Variants in PARD3B observed in about 807,000 individuals in gnomAD.
PARD3B encodes the protein partitioning defective 3 homolog B.
In PARD3B, 103 loss-of-function variants were observed where a neutral mutation model predicts 130.2. The ratio of observed to expected loss-of-function variants is 0.79; its 90% CI spans 0.67 to 0.93. The LOEUF (loss-of-function observed/expected upper bound fraction) is 0.93. Ranked by LOEUF, PARD3B falls within the 40% of genes least tolerant of loss-of-function variation. The pLI is 0.00. For synonymous variants in PARD3B, 583 were observed against 553.2 expected, an observed-to-expected ratio of 1.05 and a Z score of -0.76; for missense variants, 1,609 against 1,499.2, an observed-to-expected ratio of 1.07 and a Z score of -1.21.
intron 2 of PARD3B, among the ~76,000 whole-genome samples, chr2:204,817,131 T>C (rs1248622157): frequency 6.6e-6 from 1 of 152,130 alleles, no homozygotes; most frequent in African/African-American, 2.4e-5. Flanking sequence ...AGATTATTTG[T>C]AATAACTGTT....
rs11891326 is a variant in PARD3B, at chr2:204,909,730, G to A, written c.223-55422G>A. ...ATTGATGAGTGGAGCACAGAGTTTC[G>A]GAAGGAAGTCTCACTTAGTTTGTAT... On this transcript the variant is annotated intron_variant, in intron 2 of 22. Coordinates refer to ENST00000406610, the MANE Select transcript of PARD3B (RefSeq NM_001302769.2). 5.2e-3 allele frequency among the ~76,000 whole-genome samples: 786 copies of A among 152,218 alleles called. 9 individuals are homozygous for A. The highest frequency in any genetic ancestry group is 0.017 in the African/African-American group (710 of 41,546).
At chr2:205,477,331 A>T (rs1312850717) in intron 20 of PARD3B, among the ~76,000 whole-genome samples, 1 of 152,100 alleles carries the variant, frequency 6.6e-6, no homozygotes, top group Non-Finnish European at 1.5e-5. Context: ...ATGTGTGTGG[A>T]AGCATTCCTC....
chr2:205,503,727 T>C (rs2050245352), intron 21 of PARD3B, among the ~76,000 whole-genome samples: 4 of 152,156 alleles, frequency 2.6e-5, no homozygotes, highest in Admixed American at 2.6e-4. Flanking sequence ...ATTGGTAGCT[T>C]GATGGGGATG....
At chr2:205,483,489 A>G (rs2049320271) in intron 20 of PARD3B, among the ~76,000 whole-genome samples, 1 of 152,224 alleles carries the variant, frequency 6.6e-6, no homozygotes, top group Admixed American at 6.5e-5. Context: ...TGAAAGTCCT[A>G]ATACTGAATT....
intron 20 of PARD3B, among the ~76,000 whole-genome samples, chr2:205,477,082 C>T (rs143584647): frequency 1.7e-3 from 254 of 152,330 alleles, no homozygotes; most frequent in African/African-American, 5.7e-3. Context: ...GTTTTTCAAA[C>T]TGTGGGGTTT....
At chr2:205,034,702 AT>A (rs1697677551) in intron 3 of PARD3B, among the ~76,000 whole-genome samples, 1 of 152,208 alleles carries the variant, frequency 6.6e-6, no homozygotes, top group African/African-American at 2.4e-5. Context: ...ATAGAAATGA[AT>A]TATTTAGCAT....
chr2:205,256,954 A>C (rs1239243533), intron 16 of PARD3B, among the ~76,000 whole-genome samples: 1 of 152,152 alleles, frequency 6.6e-6, no homozygotes, highest in African/African-American at 2.4e-5. Flanking sequence ...ATAATTAGGG[A>C]ATATTAAACC....
Position 205,248,646 on chromosome 2 carries a change from C to G in PARD3B, c.2185+2824C>G, listed in dbSNP as rs539163719. Among the ~76,000 whole-genome samples the G allele has an allele frequency of 7.0e-3, 944 of 134,828 alleles. 5 individuals carry two copies. Among genetic ancestry groups the G allele is most frequent in the Admixed American group, 0.013 (169 of 12,852 alleles). The allele number at this position is 134,828 out of a possible 152,430, so 88.5% of individuals were successfully genotyped here. A position where few individuals can be genotyped will look rare whatever the true frequency, so the allele number is the denominator to read the frequency against. ...TTTTTTGAGACGGAGTGGCTCTGTC[C>G]GCCAGGCTGGAGTGCAGTGGCGCGA... On this transcript the variant is annotated intron_variant, in intron 16 of 22. Transcript: ENST00000406610.
intron 15 of PARD3B, among the ~76,000 whole-genome samples, chr2:205,245,492 T>C (rs2039533790): frequency 6.6e-6 from 1 of 152,142 alleles, no homozygotes; most frequent in Non-Finnish European, 1.5e-5. Context: ...CTCTTGTAAA[T>C]GTGGAAGAAA....
chr2:205,172,382 G>A lies in PARD3B; in HGVS notation c.1791+1G>A. ...GAGGAGGCCAGAGAGACCAATGGAG[G>A]TGATGCAAATCTTGATTCTCCTCAG... On this transcript the variant is annotated splice_donor_variant, in intron 12 of 22. Transcript: ENST00000406610. LOFTEE classifies it high-confidence loss of function. 6.2e-7 allele frequency: 1 copy of A among 1,611,946 alleles called. No homozygotes were observed. The highest frequency in any genetic ancestry group is 8.5e-7 in the Non-Finnish European group (1 of 1,178,688).
At chr2:204,710,599 G>A (rs1167162943) in intron 2 of PARD3B, among the ~76,000 whole-genome samples, 2 of 152,118 alleles carry the variant, frequency 1.3e-5, no homozygotes, top group Admixed American at 6.5e-5. Flanking sequence ...GATTTGGATG[G>A]GGGTTCTCTG....
chr2:205,556,135 C>G (rs964256963), intron 22 of PARD3B, among the ~76,000 whole-genome samples: 1 of 152,072 alleles, frequency 6.6e-6, no homozygotes, highest in Admixed American at 6.5e-5. Flanking sequence ...CACCGGATCC[C>G]TCTTCATCAC....
chr2:204,816,459 A>G (rs536016872), intron 2 of PARD3B, among the ~76,000 whole-genome samples: 2 of 151,840 alleles, frequency 1.3e-5, no homozygotes, highest in African/African-American at 2.4e-5. Flanking sequence ...CAGCTTCTAT[A>G]TGTTTTGTAA....
At position 204,610,065 on chromosome 2, in the gene PARD3B, T is replaced by C. The variant is rs912355430; in HGVS notation, c.120+63946T>C. Among the ~76,000 whole-genome samples the C allele has an allele frequency of 1.3e-5, 2 of 152,126 alleles. No individual in the cohort carries two copies. Among genetic ancestry groups the C allele is most frequent in the Admixed American group, 6.5e-5 (1 of 15,270 alleles). Reference sequence around the variant, plus strand: ...CAAAGCGTCTGTTTTTTCAGTCTTATGATGCCAATTTCAATGTTAATGCTG... The same window carrying C: ...CAAAGCGTCTGTTTTTTCAGTCTTACGATGCCAATTTCAATGTTAATGCTG... On this transcript the variant is annotated intron_variant, in intron 1 of 22. Transcript: ENST00000406610. This position sits in a 1 kb window ranked among gnomAD's most constrained non-coding sequence, Gnocchi z 4.1.
At chr2:204,976,103 T>A (rs1285260894) in intron 3 of PARD3B, among the ~76,000 whole-genome samples, 3 of 152,230 alleles carry the variant, frequency 2.0e-5, no homozygotes, top group African/African-American at 7.2e-5. Context: ...CTAATTCGTC[T>A]CTTGTTAAAA....
chr2:205,380,266 A>C (rs1377194052), intron 18 of PARD3B, among the ~76,000 whole-genome samples: 1 of 20,956 alleles, frequency 4.8e-5, no homozygotes, highest in Non-Finnish European at 8.2e-5. Context: ...TATAAAGAAT[A>C]TATATTATAT....
At chr2:204,703,452 T>A (rs2037989358) in intron 2 of PARD3B, among the ~76,000 whole-genome samples, 2 of 152,228 alleles carry the variant, frequency 1.3e-5, no homozygotes, top group Non-Finnish European at 2.9e-5. Flanking sequence ...AGTTTATTTC[T>A]GTTACTTTAT....
rs1466765740 is a variant in PARD3B, at chr2:204,606,008, G to T, written c.120+59889G>T. ...CGTGCTATTGCTTCTCAGTGAAAAG[G>T]GATCTTCTCTCCCTCTCTCCATTGG... On this transcript the variant is annotated intron_variant, in intron 1 of 22. Transcript: ENST00000406610. The surrounding 1 kb of genome is among the most constrained non-coding windows in gnomAD (Gnocchi z 4.0). 6.6e-6 allele frequency among the ~76,000 whole-genome samples: 1 copy of T among 152,110 alleles called. No homozygotes were observed. Among genetic ancestry groups the T allele is most frequent in the African/African-American group, 2.4e-5 (1 of 41,416 alleles).
intron 21 of PARD3B, among the ~76,000 whole-genome samples, chr2:205,542,611 A>C (rs140352208): frequency 6.9e-4 from 105 of 152,228 alleles, no homozygotes; most frequent in African/African-American, 2.5e-3. Flanking sequence ...GACAGGTCTG[A>C]TAATGTTGTG....
Sources: gnomAD v4.1 joint callset for allele counts (sites outside exome capture counted in the v4.1 genomes callset) on GRCh38, gnomAD v4.1.1 for gene constraint, Gnocchi (gnomAD v3.1) non-coding constraint, MANE v1.5 for transcripts, NCBI Gene and HGNC (gene_info 2026-07-23, HGNC 2026-07-21) for gene names.